Variants in RAPGEF1 observed in about 807,000 individuals in gnomAD.
RAPGEF1 encodes the protein CRK SH3-binding GNRP.
Under a neutral mutation model 143.3 loss-of-function variants are expected in RAPGEF1, and 33 were observed. The ratio of observed to expected loss-of-function variants is 0.23; its 90% CI spans 0.17 to 0.31. RAPGEF1 has a LOEUF of 0.31. Ranked by LOEUF, RAPGEF1 falls within the 10% of genes least tolerant of loss-of-function variation. The pLI is 1.00. For missense variants in RAPGEF1, 1,199 were observed against 1,645.4 expected (o/e 0.73, Z 4.69); for synonymous variants, 629 against 676.5 (o/e 0.93, Z 1.09).
At chr9:131,735,749 G>A (rs1383772796) in intron 1 of RAPGEF1, among the ~76,000 whole-genome samples, 1 of 152,210 alleles carries the variant, frequency 6.6e-6, no homozygotes, top group Non-Finnish European at 1.5e-5. Flanking sequence ...CTCTGTGGGA[G>A]TGTCCGCCAC....
intron 5 of RAPGEF1, among the ~76,000 whole-genome samples, chr9:131,631,867 T>C (rs1964962345): frequency 6.6e-6 from 1 of 152,322 alleles, no homozygotes; most frequent in Middle Eastern, 3.4e-3. Flanking sequence ...CCACCTTGGA[T>C]GGTAATAAAA....
intron 22 of RAPGEF1, among the ~76,000 whole-genome samples, chr9:131,586,387 G>A (rs1055329037): frequency 7.5e-5 from 6 of 79,780 alleles, no homozygotes; most frequent in African/African-American, 1.7e-4. Flanking sequence ...CCTGCAGAGC[G>A]AGACTCCGTC....
chr9:131,595,190 G>A (rs1439812637), intron 17 of RAPGEF1, among the ~76,000 whole-genome samples: 2 of 152,246 alleles, frequency 1.3e-5, no homozygotes, highest in Non-Finnish European at 2.9e-5. Flanking sequence ...AGCCTGTCAT[G>A]GCACAGCTGG....
At chr9:131,672,108 A>C (rs193191949) in intron 1 of RAPGEF1, among the ~76,000 whole-genome samples, 1 of 152,286 alleles carries the variant, frequency 6.6e-6, no homozygotes, top group African/African-American at 2.4e-5. Context: ...AAAGTTGCCA[A>C]GACACTGGTT....
At position 131,605,185 on chromosome 9, in the gene RAPGEF1, T is replaced by G; in HGVS notation, c.2065A>C (p.Lys689Gln). The G allele has an allele frequency of 7.5e-7, 1 of 1,330,548 alleles. No individual in the cohort carries two copies. Among genetic ancestry groups the G allele is most frequent in the Non-Finnish European group, 1.0e-6 (1 of 999,640 alleles). 82.4% of individuals were successfully genotyped at this position (1,330,548 alleles called of 1,614,324 possible). ...TGGGAGTAGGACCTAAACACAGACT[T>G]ATACTACAGAATCCAGGTGGAGAAC... ...RHGSLPVPSY[K>Q]SVFRSYSQDF... is the part of the protein sequence containing the mutation. Residue 689 changes from lysine to glutamine, a missense_variant, in exon 13 of 27, where the codon AAG becomes CAG. Physicochemically the swap from Lys to Gln is moderately conservative, Grantham distance 53. This residue lies in a region of RAPGEF1 where 293 missense variants were observed against 356.2 expected (regional missense o/e 0.82). Coordinates refer to ENST00000683357, the MANE Select transcript of RAPGEF1 (RefSeq NM_001377935.1).
rs1463660797 is a variant in RAPGEF1 at position 131,689,736 on chromosome 9, CTG to C, written c.62-38789_62-38788del. Among the ~76,000 whole-genome samples, 277 of 152,300 alleles carry C rather than the reference CTG, an allele frequency of 1.8e-3. 1 individual carries two copies. The highest frequency in any genetic ancestry group is 6.4e-3 in the African/African-American group (264 of 41,556). ...GTATTTTAGTAGAGACGGGGTTTCA[CTG>C]TGTTGTCCAGGCTGGTCTCCAACTC... On this transcript the variant is annotated intron_variant, in intron 1 of 26. Coordinates refer to ENST00000683357, the MANE Select transcript of RAPGEF1 (RefSeq NM_001377935.1).
At chr9:131,681,800 ACTTCAAGTGGAGAACAATACC>A (rs1832933632) in intron 1 of RAPGEF1, among the ~76,000 whole-genome samples, 1 of 152,198 alleles carries the variant, frequency 6.6e-6, no homozygotes, top group African/African-American at 2.4e-5. Flanking sequence ...GGAAAAAATC[ACTTCAAGTGGAGAACAATACC>A]CTTCCTTTAG....
chr9:131,671,082 T>C (rs1379377586), intron 1 of RAPGEF1, among the ~76,000 whole-genome samples: 2 of 152,226 alleles, frequency 1.3e-5, no homozygotes, highest in African/African-American at 2.4e-5. Flanking sequence ...GTCCGGGGAA[T>C]GCCCCTAGGA....
chr9:131,577,395 C>G lies in RAPGEF1; in HGVS notation c.*2102G>C, dbSNP rs994261701. Reference sequence around the variant, plus strand: ...ACCCCACCTCTATCCAGCTCAAGCCCAAGAACAAGGCAGACAGAGCTGTGG... The same window carrying G: ...ACCCCACCTCTATCCAGCTCAAGCCGAAGAACAAGGCAGACAGAGCTGTGG... On this transcript the variant is annotated 3_prime_UTR_variant, in exon 27 of 27. Transcript: ENST00000683357. The G allele has an allele frequency of 6.6e-6, 1 of 152,278 alleles. No homozygotes were observed. The highest frequency in any genetic ancestry group is 1.5e-5 in the Non-Finnish European group (1 of 68,082). The allele number at this position is 152,278 out of a possible 1,614,324, so 9.4% of individuals were successfully genotyped here.
intron 1 of RAPGEF1, among the ~76,000 whole-genome samples, chr9:131,699,686 C>T (rs1834484733): frequency 2.0e-5 from 3 of 152,154 alleles, no homozygotes; most frequent in African/African-American, 7.2e-5. Flanking sequence ...GGAACACTTT[C>T]TGCAGTTGGC....
intron 1 of RAPGEF1, among the ~76,000 whole-genome samples, chr9:131,705,439 C>T (rs777415377): frequency 2.8e-4 from 43 of 151,760 alleles, no homozygotes; most frequent in Non-Finnish European, 3.2e-4. Context: ...CCACTGTAGA[C>T]GAGGAAAGCG....
At chr9:131,718,528 G>C (rs1273769815) in intron 1 of RAPGEF1, among the ~76,000 whole-genome samples, 1 of 152,188 alleles carries the variant, frequency 6.6e-6, no homozygotes, top group African/African-American at 2.4e-5. Flanking sequence ...AGCAGAGGAG[G>C]TACTAAGAAG....
intron 1 of RAPGEF1, among the ~76,000 whole-genome samples, chr9:131,680,505 A>C (rs1202853418): frequency 6.6e-6 from 1 of 152,230 alleles, no homozygotes; most frequent in Non-Finnish European, 1.5e-5. Flanking sequence ...GTTTACGGGA[A>C]TGAGGGCAAG....
chr9:131,608,056 G>C (rs1242517035), intron 12 of RAPGEF1, among the ~76,000 whole-genome samples: 1 of 152,220 alleles, frequency 6.6e-6, no homozygotes, highest in Non-Finnish European at 1.5e-5. Context: ...GCCCCTCATG[G>C]CATCTCCGCT....
intron 18 of RAPGEF1, among the ~76,000 whole-genome samples, chr9:131,590,992 C>A (rs987158438): frequency 6.6e-6 from 1 of 152,232 alleles, no homozygotes; most frequent in African/African-American, 2.4e-5. Context: ...CACCCACACA[C>A]ACATATTAAA....
intron 1 of RAPGEF1, among the ~76,000 whole-genome samples, chr9:131,687,768 G>A (rs1589011630): frequency 6.6e-6 from 1 of 152,050 alleles, no homozygotes. Context: ...CTCTCACCAC[G>A]CCACACATCC....
chr9:131,711,721 G>A (rs60069533), intron 1 of RAPGEF1, among the ~76,000 whole-genome samples: 8,774 of 152,210 alleles, frequency 0.058, 746 homozygotes, highest in African/African-American at 0.19. Context: ...ATCTGGCTTC[G>A]GTCAATTTAG....
chr9:131,662,247 T>C (rs1974322123), intron 1 of RAPGEF1, among the ~76,000 whole-genome samples: 1 of 152,186 alleles, frequency 6.6e-6, no homozygotes, highest in South Asian at 2.1e-4. Flanking sequence ...ATCTCCCCCA[T>C]CTTAAAGACC....
chr9:131,656,352 T>C (rs954264055), intron 1 of RAPGEF1, among the ~76,000 whole-genome samples: 3 of 152,218 alleles, frequency 2.0e-5, no homozygotes, highest in Non-Finnish European at 4.4e-5. Flanking sequence ...ATACGGATCC[T>C]ATTGCTGTCC....
Sources: gnomAD v4.1 joint callset for allele counts (sites outside exome capture counted in the v4.1 genomes callset) on GRCh38, gnomAD v4.1.1 for gene constraint, gnomAD v4.1.1 regional missense constraint, MANE v1.5 for transcripts, NCBI Gene and HGNC (gene_info 2026-07-23, HGNC 2026-07-21) for gene names.